KCNN2: variants seen among roughly 807,000 people sequenced by gnomAD.
KCNN2 encodes small conductance calcium-activated potassium channel protein 2.
In KCNN2, 24 loss-of-function variants were observed where a neutral mutation model predicts 55.5. The ratio of observed to expected loss-of-function variants is 0.43; its 90% CI spans 0.31 to 0.61. KCNN2 has a LOEUF of 0.61. KCNN2 is among the 20% of genes least tolerant of loss of function. The pLI is 0.08. For synonymous variants in KCNN2, 431 were observed against 336.1 expected, an observed-to-expected ratio of 1.28 and a Z score of -3.09; for missense variants, 754 against 853.6, an observed-to-expected ratio of 0.88 and a Z score of 1.45.
In KCNN2 at chr5:114,496,176, T is replaced by G. The variant is rs1290452983; in HGVS notation, c.2370T>G (p.Ser790Arg). ...SSTAPPTSSE[S>R]S ...CAGCACCACCAACTTCATCAGAGAG[T>G]AGCTAGAAGAGAATAAGTTAACCAC... Residue 790 changes from serine to arginine, a missense_variant, in exon 8 of 8, where the codon AGT (serine) becomes AGG (arginine). Physicochemically the swap from Ser to Arg is moderately radical, Grantham distance 110. Transcript: ENST00000673685. The G allele has an allele frequency of 1.2e-6, 2 of 1,613,108 alleles. No homozygotes were observed. Among genetic ancestry groups the G allele is most frequent in the Admixed American group, 3.3e-5 (2 of 59,978 alleles).
intron 1 of KCNN2, among the ~76,000 whole-genome samples, chr5:114,207,973 C>T (rs562523756): frequency 6.6e-6 from 1 of 152,300 alleles, no homozygotes; most frequent in Admixed American, 6.5e-5. Context: ...TGGCAGTGCA[C>T]TTCAGAACTA....
chr5:114,409,161 CTTG>C (rs1759039821), intron 3 of KCNN2, among the ~76,000 whole-genome samples: 1 of 152,030 alleles, frequency 6.6e-6, no homozygotes, highest in Non-Finnish European at 1.5e-5. Flanking sequence ...AACTAAATGG[CTTG>C]TTAAGACTTC....
intron 3 of KCNN2, among the ~76,000 whole-genome samples, chr5:114,434,344 C>T (rs1449265842): frequency 1.3e-5 from 2 of 152,008 alleles, no homozygotes; most frequent in Admixed American, 6.5e-5. Flanking sequence ...CTTACAATTT[C>T]TATCTCTCTG....
chr5:114,488,617 C>G (rs564337697), intron 6 of KCNN2, among the ~76,000 whole-genome samples: 4 of 152,114 alleles, frequency 2.6e-5, no homozygotes, highest in East Asian at 3.9e-4. Flanking sequence ...GAATGAGAAC[C>G]CTCCCTTTCT....
intron 3 of KCNN2, among the ~76,000 whole-genome samples, chr5:114,448,847 T>A (rs1008762464): frequency 6.6e-6 from 1 of 152,240 alleles, no homozygotes; most frequent in East Asian, 1.9e-4. Context: ...TTGTGATAAC[T>A]GCGTACTGTA....
intron 1 of KCNN2, among the ~76,000 whole-genome samples, chr5:114,166,547 T>G (rs900135371): frequency 6.6e-6 from 1 of 152,186 alleles, no homozygotes; most frequent in African/African-American, 2.4e-5. Context: ...TGCTGAGGTC[T>G]ATGTTACCTT....
intron 1 of KCNN2, among the ~76,000 whole-genome samples, chr5:114,068,203 ATATTCT>A (rs1750490383): frequency 6.6e-6 from 1 of 152,256 alleles, no homozygotes; most frequent in African/African-American, 2.4e-5. Context: ...TCTATAACAG[ATATTCT>A]TAGCCTCAAG....
intron 1 of KCNN2, among the ~76,000 whole-genome samples, chr5:114,134,458 G>GATTTATTTATTTATTTATTT (rs368773249): frequency 7.3e-5 from 10 of 137,404 alleles, no homozygotes; most frequent in African/African-American, 8.3e-5. Flanking sequence ...ATCCAACCAT[G>GATTTATTTATTTATTTATTT]ATTTATTTAT....
chr5:114,471,357 A>G (rs966295386), intron 4 of KCNN2, among the ~76,000 whole-genome samples: 2 of 152,170 alleles, frequency 1.3e-5, no homozygotes, highest in African/African-American at 4.8e-5. Context: ...ATGCTCTGCA[A>G]ATAGTTGCTA....
intron 1 of KCNN2, among the ~76,000 whole-genome samples, chr5:114,156,721 T>C (rs528413627): frequency 6.6e-6 from 1 of 152,274 alleles, no homozygotes; most frequent in African/African-American, 2.4e-5. Flanking sequence ...TTTGTGCACA[T>C]TGATTTTGTA....
In KCNN2 at chr5:114,213,715, C is replaced by A. The variant is rs557807560; in HGVS notation, c.-270-7765C>A. Among the ~76,000 whole-genome samples, 3 of 152,010 alleles carry A rather than the reference C, an allele frequency of 2.0e-5. No homozygotes were observed. In the East Asian group the frequency reaches 5.8e-4, roughly 29 times the overall value. On this transcript the variant is annotated intron_variant, in intron 1 of 10. Coordinates refer to the KCNN2 transcript ENST00000512097. ...AATTTGTCTTATTATTGCCGTTGGT[C>A]TTGCTGTCTTTGAAAGTTTTAAGGA...
At chr5:114,128,896 A>G (rs1358767563) in intron 1 of KCNN2, among the ~76,000 whole-genome samples, 3 of 152,222 alleles carry the variant, frequency 2.0e-5, no homozygotes, top group Non-Finnish European at 2.9e-5. Flanking sequence ...TTATCTTGGA[A>G]AAGTAAAACT....
intron 1 of KCNN2, among the ~76,000 whole-genome samples, chr5:114,149,018 C>G (rs1479494373): frequency 6.6e-6 from 1 of 152,144 alleles, no homozygotes; most frequent in East Asian, 1.9e-4. Flanking sequence ...GTGGTGCCAA[C>G]TCTATCCCAG....
chr5:114,168,687 C>T (rs993958792), intron 1 of KCNN2, among the ~76,000 whole-genome samples: 3 of 152,112 alleles, frequency 2.0e-5, no homozygotes, highest in Non-Finnish European at 1.5e-5. Flanking sequence ...ATGTTGTGGT[C>T]TGTTCTGCAG....
chr5:114,344,691 A>C (rs991556699), intron 2 of KCNN2, among the ~76,000 whole-genome samples: 6 of 152,184 alleles, frequency 3.9e-5, no homozygotes, highest in African/African-American at 1.4e-4. Context: ...GAATAACAAA[A>C]ACACTCCTAT....
intron 7 of KCNN2, among the ~76,000 whole-genome samples, chr5:114,495,171 TTTAACCAC>T (rs1172538898): frequency 1.3e-5 from 2 of 152,140 alleles, no homozygotes; most frequent in African/African-American, 4.8e-5. Context: ...ATTTTCCTGT[TTTAACCAC>T]TTAGCTTTGA....
intron 1 of KCNN2, among the ~76,000 whole-genome samples, chr5:114,087,000 A>G (rs966936023): frequency 9.7e-5 from 14 of 144,222 alleles, no homozygotes; most frequent in African/African-American, 3.8e-4. Flanking sequence ...ATGGTATCTC[A>G]TCGTGGTTCT....
intron 5 of KCNN2, among the ~76,000 whole-genome samples, chr5:114,482,651 A>G (rs1762277590): frequency 6.6e-6 from 1 of 152,234 alleles, no homozygotes; most frequent in Non-Finnish European, 1.5e-5. Flanking sequence ...AATAGACTGG[A>G]TAAAGAAAAT....
chr5:114,204,832 G>A (rs1416334440), intron 1 of KCNN2, among the ~76,000 whole-genome samples: 1 of 152,184 alleles, frequency 6.6e-6, no homozygotes, highest in Non-Finnish European at 1.5e-5. Flanking sequence ...AATCCACTGA[G>A]ATTTGGGGTT....
Sources: gnomAD v4.1 joint callset for allele counts (sites outside exome capture counted in the v4.1 genomes callset) on GRCh38, gnomAD v4.1.1 for gene constraint, MANE v1.5 for transcripts, NCBI Gene and HGNC (gene_info 2026-07-23, HGNC 2026-07-21) for gene names.